The following ROBO2 variants were observed in gnomAD, a reference collection of about 807,000 sequenced individuals.
ROBO2 encodes roundabout guidance receptor 2.
A neutral mutation model predicts 160.8 loss-of-function variants in ROBO2; 53 were observed. The ratio of observed to expected loss-of-function variants is 0.33; its 90% confidence interval spans 0.26 to 0.41. The LOEUF (loss-of-function observed/expected upper bound fraction) is 0.41. Ranked by LOEUF, ROBO2 falls within the 10% of genes least tolerant of loss-of-function variation. The pLI is 1.00. For missense variants in ROBO2, 1,577 were observed against 1,722.4 expected, an observed-to-expected ratio of 0.92 and a Z score of 1.49; for synonymous variants, 664 against 611.7, an observed-to-expected ratio of 1.09 and a Z score of -1.26.
At chr3:76,704,924 A>G (rs1474114611) in intron 2 of ROBO2, among the ~76,000 whole-genome samples, 1 of 152,114 alleles carries the variant, frequency 6.6e-6, no homozygotes, top group Non-Finnish European at 1.5e-5. Context: ...AAAAAGAGGA[A>G]TGGTTCTCTT....
At chr3:77,436,532 C>T (rs1291358521) in intron 2 of ROBO2, among the ~76,000 whole-genome samples, 1 of 151,734 alleles carries the variant, frequency 6.6e-6, no homozygotes, top group Non-Finnish European at 1.5e-5. Context: ...ATCAACATTG[C>T]TACTTTAAGA....
At chr3:76,588,361 C>G (rs920409564) in intron 2 of ROBO2, among the ~76,000 whole-genome samples, 23 of 152,110 alleles carry the variant, frequency 1.5e-4, no homozygotes, top group African/African-American at 5.6e-4. Context: ...TTTAAAATAG[C>G]CCTCTAACTT....
intron 2 of ROBO2, among the ~76,000 whole-genome samples, chr3:77,199,788 A>C (rs1417267576): frequency 8.2e-6 from 1 of 122,352 alleles, no homozygotes; most frequent in East Asian, 2.1e-4. Flanking sequence ...GTACCTCGCT[A>C]ATTTTTTTTT....
chr3:76,698,128 T>TTGGAAGAATTGGATGTAGAATGCCTG (rs1263836542), intron 2 of ROBO2, among the ~76,000 whole-genome samples: 13 of 152,262 alleles, frequency 8.5e-5, no homozygotes, highest in East Asian at 1.9e-4. Context: ...TATTCACTGG[T>TTGGAAGAATTGGATGTAGAATGCCTG]TAGGCTTTTT....
At chr3:76,848,281 A>G (rs1002918370) in intron 2 of ROBO2, among the ~76,000 whole-genome samples, 4 of 152,190 alleles carry the variant, frequency 2.6e-5, no homozygotes, top group African/African-American at 9.6e-5. Flanking sequence ...TTGGCTATTC[A>G]GTGGCATACT....
intron 25 of ROBO2, 83 bp from the exon 28 acceptor site, chr3:77,645,971 G>A: frequency 1.1e-6 from 1 of 945,564 alleles, no homozygotes; most frequent in Non-Finnish European, 1.6e-6. Context: ...TTGATTATCT[G>A]TTGGCTTTGC....
At chr3:76,546,791 T>C (rs2083130122) in intron 2 of ROBO2, among the ~76,000 whole-genome samples, 1 of 150,394 alleles carries the variant, frequency 6.6e-6, no homozygotes, top group African/African-American at 2.5e-5. Context: ...TAACACGAGT[T>C]TTTTTTTTAA....
chr3:76,482,242 T>A (rs1055153287), intron 2 of ROBO2, among the ~76,000 whole-genome samples: 5 of 152,092 alleles, frequency 3.3e-5, no homozygotes, highest in African/African-American at 4.8e-5. Context: ...ATTAAATATT[T>A]CCATTTCAGA....
At chr3:77,088,848 C>G (rs2069717623) in intron 1 of ROBO2, among the ~76,000 whole-genome samples, 1 of 152,046 alleles carries the variant, frequency 6.6e-6, no homozygotes, top group South Asian at 2.1e-4. Context: ...AAAGTATGAA[C>G]AGTAATCTAA....
chr3:77,477,903 C>G (rs562911694), intron 3 of ROBO2, among the ~76,000 whole-genome samples: 4 of 148,266 alleles, frequency 2.7e-5, no homozygotes, highest in Middle Eastern at 7.1e-3. Flanking sequence ...TCCTGCTCAC[C>G]GCAACCTCTG....
intron 2 of ROBO2, among the ~76,000 whole-genome samples, chr3:77,180,347 A>T (rs1329200050): frequency 6.6e-6 from 1 of 151,050 alleles, no homozygotes; most frequent in Non-Finnish European, 1.5e-5. Flanking sequence ...ATTTTGAAGA[A>T]GAGATAGGGA....
At chr3:76,290,876 T>C (rs1708767531) in intron 2 of ROBO2, among the ~76,000 whole-genome samples, 1 of 152,132 alleles carries the variant, frequency 6.6e-6, no homozygotes, top group Admixed American at 6.5e-5. Flanking sequence ...GCCTACTCGA[T>C]TGTGGCTTTA....
chr3:77,220,390 A>T (rs2085630834), intron 2 of ROBO2, among the ~76,000 whole-genome samples: 1 of 152,194 alleles, frequency 6.6e-6, no homozygotes, highest in Non-Finnish European at 1.5e-5. Flanking sequence ...GCAAATGAAA[A>T]TATAGACATA....
intron 2 of ROBO2, among the ~76,000 whole-genome samples, chr3:77,255,969 C>G (rs947782313): frequency 2.0e-5 from 3 of 152,158 alleles, no homozygotes; most frequent in Admixed American, 6.5e-5. Context: ...GCTTATACAC[C>G]AGTTGTGCTT....
In ROBO2 at chr3:76,741,485, A is replaced by T. The variant is rs193093759; in HGVS notation, c.110-356529A>T. On this transcript the variant is annotated intron_variant, in intron 2 of 26. Transcript: ENST00000487694. ...TAGAAATGTGGCTGATATTTACCAC[A>T]GGTGAAAGAGTAGTTTGGTTGATGT... Among the ~76,000 whole-genome samples, 1,157 of 152,176 alleles carry T rather than the reference A, an allele frequency of 7.6e-3. 22 individuals are homozygous for T. Among genetic ancestry groups the T allele is most frequent in the African/African-American group, 0.026 (1,089 of 41,570 alleles).
chr3:76,523,069 C>T (rs1396286095), intron 2 of ROBO2, among the ~76,000 whole-genome samples: 1 of 149,664 alleles, frequency 6.7e-6, no homozygotes, highest in African/African-American at 2.4e-5. Flanking sequence ...TAACCTACAG[C>T]TAGTACTGCA....
At chr3:76,988,679 C>T (rs2149360113) in intron 2 of ROBO2, among the ~76,000 whole-genome samples, 1 of 152,096 alleles carries the variant, frequency 6.6e-6, no homozygotes. Context: ...ACTGTTATTC[C>T]CAGTAGATTA....
chr3:76,383,736 A>C (rs186774907), intron 2 of ROBO2, among the ~76,000 whole-genome samples: 1 of 152,254 alleles, frequency 6.6e-6, no homozygotes, highest in African/African-American at 2.4e-5. Flanking sequence ...AAAACAAAAA[A>C]CAAAAAACAA....
chr3:77,031,129 T>G (rs952232919), intron 2 of ROBO2, among the ~76,000 whole-genome samples: 2 of 152,178 alleles, frequency 1.3e-5, no homozygotes, highest in Non-Finnish European at 2.9e-5. Context: ...GTGTTATTTG[T>G]TCCAGCCAGA....
Sources: allele counts gnomAD v4.1 joint callset (sites outside exome capture counted in the v4.1 genomes callset), GRCh38; gene constraint gnomAD v4.1.1; transcripts MANE v1.5; gene names NCBI Gene and HGNC (gene_info 2026-07-23, HGNC 2026-07-21).